The following TMEM144 variants were observed in gnomAD, a reference collection of about 807,000 sequenced individuals.
TMEM144 encodes the protein transmembrane protein 144.
In TMEM144, 39 loss-of-function variants were observed where a neutral mutation model predicts 43.6. That is an observed-to-expected ratio of 0.90 (90% CI 0.69 to 1.17). TMEM144 has a LOEUF of 1.17. Ranked by LOEUF, TMEM144 falls within the 50% of genes most tolerant of loss-of-function variation. The pLI is 0.00. For missense variants in TMEM144, 417 were observed against 411.9 expected (o/e 1.01, Z -0.11); for synonymous variants, 154 against 133.6 (o/e 1.15, Z -1.06).
At chr4:158,225,171 C>T (rs1049430306) in intron 6 of TMEM144, among the ~76,000 whole-genome samples, 16 of 152,232 alleles carry the variant, frequency 1.1e-4, no homozygotes, top group East Asian at 3.9e-4. Context: ...TTGCTGCTAA[C>T]GCCCTTAGAC....
At chr4:158,215,977 T>TA (rs11403544) in intron 4 of TMEM144, among the ~76,000 whole-genome samples, 55,589 of 152,028 alleles carry the variant, frequency 0.37, 13,139 homozygotes, top group African/African-American at 0.67. Context: ...AAAACTTTAT[T>TA]AAAAAAATTA....
chr4:158,233,074 G>A, intron 7 of TMEM144, 92 bp downstream of exon 7: 1 of 963,182 alleles, frequency 1.0e-6, no homozygotes, highest in Non-Finnish European at 1.6e-6. Flanking sequence ...AAAAAGTGGT[G>A]TTTGCTCATC....
intron 6 of TMEM144, among the ~76,000 whole-genome samples, chr4:158,231,025 CAT>C (rs768520747): frequency 6.6e-6 from 1 of 152,156 alleles, no homozygotes; most frequent in East Asian, 1.9e-4. Context: ...AGGGGAGAAA[CAT>C]AGCAAAACCC....
In TMEM144 at chr4:158,241,722, C is replaced by T. The variant is rs144896694; in HGVS notation, c.900+116C>T. 1,665 of 717,288 alleles carry T rather than the reference C, an allele frequency of 2.3e-3. 20 individuals are homozygous for T. In the African/African-American group the frequency reaches 0.027, roughly 12 times the overall value. The allele number at this position is 717,288 out of a possible 1,614,324, so 44.4% of individuals were successfully genotyped here. ...CATGGAGTTTGATTTTTTAGGAATA[C>T]AATTAATGGATTCAGATAGATAAAC... On this transcript the variant is annotated intron_variant, in intron 11 of 12. Transcript: ENST00000296529.
intron 6 of TMEM144, among the ~76,000 whole-genome samples, chr4:158,229,298 T>C (rs1734940167): frequency 6.6e-6 from 1 of 152,212 alleles, no homozygotes; most frequent in African/African-American, 2.4e-5. Flanking sequence ...CAGGGCCTAT[T>C]CATCTGGTTT....
intron 4 of TMEM144, 96 bp from the exon 5 acceptor site, chr4:158,217,225 T>C (rs1480841424): frequency 2.5e-6 from 2 of 792,798 alleles, no homozygotes; most frequent in Admixed American, 5.6e-5. Context: ...CCAAATCACA[T>C]GCACTTCAGT....
chr4:158,218,091 C>T lies in TMEM144; in HGVS notation c.332+671C>T, dbSNP rs146556273. On this transcript the variant is annotated intron_variant, in intron 5 of 12. Coordinates refer to ENST00000296529, the MANE Select transcript of TMEM144 (RefSeq NM_018342.5). ...AAAAGTTTGCCAGTCCCAGCTCTAG[C>T]GTTGTGTTGTCCAATAGTGTAGCCA... 4.2e-3 allele frequency among the ~76,000 whole-genome samples: 634 copies of T among 152,248 alleles called. 4 individuals are homozygous for T. Among genetic ancestry groups the T allele is most frequent in the Non-Finnish European group, 6.8e-3 (460 of 68,004 alleles).
In TMEM144 at chr4:158,211,587, A is replaced by G. The variant is rs1442719654; in HGVS notation, c.-61+13A>G. 6.6e-6 allele frequency: 1 copy of G among 152,240 alleles called. No homozygotes were observed. The highest frequency in any genetic ancestry group is 1.5e-5 in the Non-Finnish European group (1 of 68,038). The allele number at this position is 152,240 out of a possible 1,614,324, so 9.4% of individuals were successfully genotyped here. The stretch of plus-strand genomic sequence containing the variant: ...AGCCATAACCCATGTAAGTCACTGC[A>G]GGGCTGAACCTCTCTTTGAGCCTAA... On this transcript the variant is annotated intron_variant, in intron 2 of 12. Transcript: ENST00000296529.
At chr4:158,223,711 C>T (rs1259243917) in intron 6 of TMEM144, among the ~76,000 whole-genome samples, 3 of 152,202 alleles carry the variant, frequency 2.0e-5, no homozygotes, top group African/African-American at 2.4e-5. Context: ...TGGCTTCCAG[C>T]CTCATCCATG....
intron 5 of TMEM144, among the ~76,000 whole-genome samples, chr4:158,217,723 C>T (rs1734298262): frequency 6.6e-6 from 1 of 152,154 alleles, no homozygotes; most frequent in East Asian, 1.9e-4. Context: ...ATGTTCTATG[C>T]ATCATTCTCA....
At chr4:158,245,529 C>G (rs1191969013) in intron 12 of TMEM144, among the ~76,000 whole-genome samples, 1 of 151,976 alleles carries the variant, frequency 6.6e-6, no homozygotes, top group East Asian at 1.9e-4. Context: ...GGATAACCAA[C>G]CAAGAGAGCT....
At position 158,217,520 on chromosome 4, in the gene TMEM144, C is replaced by G. The variant is rs1579104861; in HGVS notation, c.332+100C>G. On this transcript the variant is annotated intron_variant, in intron 5 of 12. Coordinates refer to ENST00000296529, the MANE Select transcript of TMEM144 (RefSeq NM_018342.5). ...GAATAACATATGATTCTTATTCTCA[C>G]AGAGTTTATAGCTGGTAAAACATAC... is the stretch of plus-strand genomic sequence containing the variant. 3.5e-6 allele frequency: 3 copies of G among 859,588 alleles called. No homozygotes were observed. In the East Asian group the frequency reaches 7.7e-5, roughly 22 times the overall value. The allele number at this position is 859,588 out of a possible 1,614,324, so 53.2% of individuals were successfully genotyped here. A position where few individuals can be genotyped will look rare whatever the true frequency, so the allele number is the denominator to read the frequency against.
chr4:158,219,876 C>G (rs762837221), intron 6 of TMEM144, among the ~76,000 whole-genome samples: 1 of 152,168 alleles, frequency 6.6e-6, no homozygotes, highest in South Asian at 2.1e-4. Flanking sequence ...CCTCTTTCAC[C>G]TGTGAGAACA....
Position 158,255,012 on chromosome 4 carries a change from G to T in TMEM144, c.*1485G>T, listed in dbSNP as rs1037613303. 1 of 152,090 alleles carries T rather than the reference G, an allele frequency of 6.6e-6. No homozygotes were observed. Among genetic ancestry groups the T allele is most frequent in the South Asian group, 2.1e-4 (1 of 4,828 alleles). The allele number at this position is 152,090 out of a possible 1,614,324, so 9.4% of individuals were successfully genotyped here. ...GGTACTTGGCAAACACTATATAATT[G>T]TTAGCTTTATTATTATGTGTTGTTT... On this transcript the variant is annotated 3_prime_UTR_variant, in exon 13 of 13. Coordinates refer to ENST00000296529, the MANE Select transcript of TMEM144 (RefSeq NM_018342.5).
chr4:158,230,746 G>T (rs768592059), intron 6 of TMEM144, among the ~76,000 whole-genome samples: 4 of 152,010 alleles, frequency 2.6e-5, no homozygotes, highest in African/African-American at 7.2e-5. Context: ...GACCCTGAAG[G>T]AGATATAAGA....
At chr4:158,244,386 T>G (rs202200126) in intron 12 of TMEM144, 37 bp downstream of exon 12, 1 of 1,567,734 alleles carries the variant, frequency 6.4e-7, no homozygotes, top group East Asian at 2.3e-5. Context: ...AAAATGGGAA[T>G]GGGGTAGGCC....
chr4:158,220,785 T>C (rs528339781), intron 6 of TMEM144, among the ~76,000 whole-genome samples: 1 of 152,354 alleles, frequency 6.6e-6, no homozygotes, highest in Non-Finnish European at 1.5e-5. Context: ...TGCCCAACTT[T>C]ATGTTACAGT....
At position 158,212,780 on chromosome 4, in the gene TMEM144, A is replaced by G; in HGVS notation, c.109+4A>G. 2 of 1,599,598 alleles carry G rather than the reference A, an allele frequency of 1.3e-6. No homozygotes were observed. Among genetic ancestry groups the G allele is most frequent in the Non-Finnish European group, 1.7e-6 (2 of 1,167,040 alleles). ...AAAAAATTTGATACTGGTGATGGTAATTATTTTTCCTTGATTGTTAACGTT... is the reference window on the plus strand; with the variant it reads ...AAAAAATTTGATACTGGTGATGGTAGTTATTTTTCCTTGATTGTTAACGTT... On this transcript the variant is annotated splice_donor_region_variant and intron_variant, in intron 3 of 12. Transcript: ENST00000296529.
intron 12 of TMEM144, among the ~76,000 whole-genome samples, chr4:158,250,537 G>A (rs973404450): frequency 6.6e-6 from 1 of 152,156 alleles, no homozygotes; most frequent in Non-Finnish European, 1.5e-5. Flanking sequence ...CCTGTTTCCT[G>A]TGGGAGCCCA....
Sources: allele counts gnomAD v4.1 joint callset (sites outside exome capture counted in the v4.1 genomes callset), GRCh38; gene constraint gnomAD v4.1.1; transcripts MANE v1.5; gene names NCBI Gene and HGNC (gene_info 2026-07-23, HGNC 2026-07-21).